IL1RAPL2: variants seen among roughly 807,000 people sequenced by gnomAD.
The protein encoded by IL1RAPL2 is X-linked interleukin-1 receptor accessory protein-like 2.
In IL1RAPL2, 3 loss-of-function variants were observed where a neutral mutation model predicts 44.1. That is an observed-to-expected ratio of 0.07 (90% CI 0.03 to 0.18). IL1RAPL2 has a LOEUF of 0.18. IL1RAPL2 is among the 10% of genes least tolerant of loss of function. The pLI, the probability that IL1RAPL2 is intolerant of heterozygous loss-of-function variation, is 1.00. For missense variants in IL1RAPL2, 391 were observed against 496.4 expected, an observed-to-expected ratio of 0.79 and a Z score of 2.02; for synonymous variants, 181 against 178.8, an observed-to-expected ratio of 1.01 and a Z score of -0.10.
chrX:104,662,727 G>A (rs1055842839), intron 2 of IL1RAPL2, among the ~76,000 whole-genome samples: 3 of 111,464 alleles, frequency 2.7e-5, no homozygotes, highest in African/African-American at 9.8e-5. Context: ...TATTATTTGG[G>A]ACATTAAATC....
chrX:105,267,272 C>A, intron 4 of IL1RAPL2, 116 bp from the exon 5 acceptor site: 1 of 631,256 alleles, frequency 1.6e-6, no homozygotes, highest in East Asian at 3.4e-5. Context: ...TCCTTAGTTA[C>A]ATATTTTGAA....
intron 6 of IL1RAPL2, among the ~76,000 whole-genome samples, chrX:105,589,743 G>GTT (rs774997793): frequency 3.6e-5 from 4 of 111,105 alleles, no homozygotes; most frequent in South Asian, 7.7e-4. Context: ...CTATATGTCT[G>GTT]TTTTTGCACC....
chrX:105,447,334 AATATAAAT>A (rs1337753976), intron 5 of IL1RAPL2, among the ~76,000 whole-genome samples: 2,956 of 65,055 alleles, frequency 0.045, 91 homozygotes, highest in Non-Finnish European at 0.061. Flanking sequence ...TATATATAAA[AATATAAAT>A]ATATAAATAT....
intron 5 of IL1RAPL2, among the ~76,000 whole-genome samples, chrX:105,298,220 T>A (rs2034668954): frequency 8.9e-6 from 1 of 111,745 alleles, no homozygotes; most frequent in South Asian, 3.7e-4. Context: ...GTACGATAGA[T>A]CTCTGGAACT....
rs893750317 is a variant in IL1RAPL2 at position 104,633,410 on chromosome X, G to A, written c.-19-25485G>A. Among the ~76,000 whole-genome samples the A allele has an allele frequency of 3.6e-5, 4 of 111,807 alleles. No homozygotes were observed. In the Admixed American group the frequency reaches 3.8e-4, roughly 11 times the overall value. Reference sequence around the variant, plus strand: ...TCTATTGATTGGAATAGTTTCAGAAGGAATGGTACCAGCTCCTCCTTGTCC... The same window carrying A: ...TCTATTGATTGGAATAGTTTCAGAAAGAATGGTACCAGCTCCTCCTTGTCC... On this transcript the variant is annotated intron_variant, in intron 1 of 10. Transcript: ENST00000372582.
At chrX:104,656,725 A>T (rs948929187) in intron 1 of IL1RAPL2, among the ~76,000 whole-genome samples, 4 of 111,402 alleles carry the variant, frequency 3.6e-5, no homozygotes, top group Non-Finnish European at 7.5e-5. Context: ...AATCCTGAAT[A>T]TTCTTGTTAA....
At chrX:105,457,212 T>C (rs1271278824) in intron 5 of IL1RAPL2, among the ~76,000 whole-genome samples, 2 of 111,484 alleles carry the variant, frequency 1.8e-5, no homozygotes, top group Non-Finnish European at 3.8e-5. Flanking sequence ...TAATCATTAA[T>C]TGTATTATTT....
At chrX:104,861,922 A>G (rs1435530636) in intron 2 of IL1RAPL2, among the ~76,000 whole-genome samples, 1 of 111,519 alleles carries the variant, frequency 9.0e-6, no homozygotes. Context: ...GGTCAACTGT[A>G]AAAGGTAAAG....
chrX:105,082,123 T>C (rs1458946406), intron 2 of IL1RAPL2, among the ~76,000 whole-genome samples: 2 of 111,508 alleles, frequency 1.8e-5, no homozygotes, highest in Non-Finnish European at 3.8e-5. Flanking sequence ...TTTTGGTCAG[T>C]AGGCTATTAA....
chrX:104,771,902 G>C (rs181387874), intron 2 of IL1RAPL2, among the ~76,000 whole-genome samples: 1 of 111,710 alleles, frequency 9.0e-6, no homozygotes, highest in Non-Finnish European at 1.9e-5. Context: ...TACATATTAT[G>C]TACATAATAA....
intron 6 of IL1RAPL2, among the ~76,000 whole-genome samples, chrX:105,500,363 T>C (rs1273400827): frequency 9.1e-6 from 1 of 109,944 alleles, no homozygotes; most frequent in Non-Finnish European, 1.9e-5. Flanking sequence ...AAACCAAAAA[T>C]ACAAAACAGT....
intron 2 of IL1RAPL2, among the ~76,000 whole-genome samples, chrX:104,811,533 T>C (rs867328525): frequency 2.7e-5 from 3 of 111,085 alleles, no homozygotes; most frequent in African/African-American, 9.8e-5. Context: ...TTTTCTGTTT[T>C]TGAAAGAGGG....
At chrX:104,880,469 A>G (rs1341543934) in intron 2 of IL1RAPL2, among the ~76,000 whole-genome samples, 1 of 111,732 alleles carries the variant, frequency 8.9e-6, no homozygotes, top group Non-Finnish European at 1.9e-5. Context: ...TTTTCACAAG[A>G]ACATAGAATA....
intron 2 of IL1RAPL2, among the ~76,000 whole-genome samples, chrX:104,945,859 A>C (rs1268669092): frequency 2.7e-5 from 3 of 110,085 alleles, no homozygotes; most frequent in African/African-American, 9.9e-5. Flanking sequence ...AACTATATAG[A>C]CCTTTTTTGA....
At chrX:104,623,075 CATA>C (rs1363444263) in intron 1 of IL1RAPL2, among the ~76,000 whole-genome samples, 1 of 110,778 alleles carries the variant, frequency 9.0e-6, no homozygotes, top group Non-Finnish European at 1.9e-5. Context: ...AGTTTTGTCT[CATA>C]ATGTCTAGAA....
chrX:104,600,867 A>G (rs1366092091), intron 1 of IL1RAPL2, among the ~76,000 whole-genome samples: 1 of 111,829 alleles, frequency 8.9e-6, no homozygotes, highest in Non-Finnish European at 1.9e-5. Context: ...TTATGGCTGC[A>G]TGATATCCCG....
intron 6 of IL1RAPL2, among the ~76,000 whole-genome samples, chrX:105,681,129 G>T (rs1480080969): frequency 9.0e-6 from 1 of 111,568 alleles, no homozygotes; most frequent in Non-Finnish European, 1.9e-5. Flanking sequence ...CAAGGGAAAG[G>T]GGAACAGGGA....
intron 5 of IL1RAPL2, among the ~76,000 whole-genome samples, chrX:105,416,619 G>A (rs1388823555): frequency 1.8e-5 from 2 of 111,880 alleles, no homozygotes; most frequent in East Asian, 2.8e-4. Context: ...TAAATTATAC[G>A]ATTAATACTA....
At chrX:105,443,781 G>A (rs1203049382) in intron 5 of IL1RAPL2, among the ~76,000 whole-genome samples, 1 of 112,178 alleles carries the variant, frequency 8.9e-6, no homozygotes, top group Non-Finnish European at 1.9e-5. Context: ...CTTGGCAATT[G>A]TAAACAGTGC....
Sources: allele counts gnomAD v4.1 joint callset (sites outside exome capture counted in the v4.1 genomes callset), GRCh38; gene constraint gnomAD v4.1.1; transcripts MANE v1.5; gene names NCBI Gene and HGNC (gene_info 2026-07-23, HGNC 2026-07-21).